ZC3H12B: variants seen among roughly 807,000 people sequenced by gnomAD.
The protein encoded by ZC3H12B is zinc finger CCCH-type containing 12B, also known as probable ribonuclease ZC3H12B.
A neutral mutation model predicts 43.9 loss-of-function variants in ZC3H12B; 7 were observed. The ratio of observed to expected loss-of-function variants is 0.16; its 90% CI spans 0.09 to 0.30. ZC3H12B has a LOEUF of 0.30. Among genes scored for constraint, ZC3H12B ranks in the 10% least tolerant of loss-of-function variants. The pLI is 1.00. For missense variants in ZC3H12B, 475 were observed against 670.2 expected (o/e 0.71, Z 3.22); for synonymous variants, 222 against 241.7 (o/e 0.92, Z 0.76).
At chrX:65,212,641 AT>A in the ZC3H12B span, among the ~76,000 whole-genome samples, 33 of 83,821 alleles carry the variant, frequency 3.9e-4, no homozygotes, top group South Asian at 2.5e-3. Context: ...AATATATATG[AT>A]TATATATCAT....
chrX:65,297,591 T>TA, the ZC3H12B span, among the ~76,000 whole-genome samples: 1 of 110,820 alleles, frequency 9.0e-6, no homozygotes, highest in African/African-American at 3.3e-5. Context: ...TCTACAAACT[T>TA]AATGCAATTC....
chrX:65,178,742 A>T, the ZC3H12B span, among the ~76,000 whole-genome samples: 1 of 112,372 alleles, frequency 8.9e-6, no homozygotes, highest in Non-Finnish European at 1.9e-5. Context: ...AATGGTGATC[A>T]TTAAAAAGTC....
the ZC3H12B span, among the ~76,000 whole-genome samples, chrX:65,169,161 G>C: frequency 9.0e-6 from 1 of 111,456 alleles, no homozygotes; most frequent in African/African-American, 3.3e-5. Context: ...GCTTTCTCTC[G>C]TGGTCATTTA....
At chrX:65,251,013 A>G in the ZC3H12B span, among the ~76,000 whole-genome samples, 2 of 112,033 alleles carry the variant, frequency 1.8e-5, no homozygotes, top group Admixed American at 9.5e-5. Context: ...GTCCTTGCCT[A>G]TGCCGATGTC....
At chrX:65,232,561 G>T in the ZC3H12B span, among the ~76,000 whole-genome samples, 5 of 111,687 alleles carry the variant, frequency 4.5e-5, no homozygotes, top group East Asian at 1.4e-3. Context: ...TTATTTGCAA[G>T]CCTCATGGTA....
chrX:65,401,235 G>A (rs2066759098), intron 3 of ZC3H12B, among the ~76,000 whole-genome samples: 1 of 111,704 alleles, frequency 9.0e-6, no homozygotes, highest in African/African-American at 3.3e-5. Context: ...CTTGGCAGCA[G>A]CAGTGTGGTA....
At chrX:65,425,790 C>A (rs868839702) in intron 3 of ZC3H12B, among the ~76,000 whole-genome samples, 2 of 111,739 alleles carry the variant, frequency 1.8e-5, no homozygotes, top group Middle Eastern at 4.6e-3. Context: ...TTGAAAAAAC[C>A]TGGCATCCTG....
chrX:65,049,600 A>G, the ZC3H12B span, among the ~76,000 whole-genome samples: 1 of 111,076 alleles, frequency 9.0e-6, no homozygotes. Flanking sequence ...AAAATCTTGG[A>G]GTGTGAGGTC....
chrX:65,498,424 GAGCCTCAGTC>G (rs2148238326), intron 2 of ZC3H12B, among the ~76,000 whole-genome samples: 1 of 111,675 alleles, frequency 9.0e-6, no homozygotes, highest in South Asian at 3.7e-4. Flanking sequence ...ACAGGCTCTT[GAGCCTCAGTC>G]TGAGAATAGA....
chrX:65,147,741 CCAA>C, the ZC3H12B span, among the ~76,000 whole-genome samples: 3 of 110,876 alleles, frequency 2.7e-5, no homozygotes, highest in Non-Finnish European at 5.7e-5. Flanking sequence ...ATCCCTGAAC[CCAA>C]CGTCTACTGG....
At chrX:65,367,981 C>T (rs756439735) in intron 1 of ZC3H12B, among the ~76,000 whole-genome samples, 2 of 111,403 alleles carry the variant, frequency 1.8e-5, no homozygotes, top group Admixed American at 1.9e-4. Flanking sequence ...TAAGACCCTC[C>T]ACAAACCTTT....
At chrX:65,348,642 G>A in the ZC3H12B span, among the ~76,000 whole-genome samples, 16 of 103,310 alleles carry the variant, frequency 1.5e-4, no homozygotes, top group Non-Finnish European at 3.0e-4. Context: ...ACACACATAG[G>A]CTCAAAATAA....
chrX:65,151,964 G>T, the ZC3H12B span, among the ~76,000 whole-genome samples: 2 of 111,680 alleles, frequency 1.8e-5, no homozygotes, highest in Non-Finnish European at 3.8e-5. Flanking sequence ...CATATAAACA[G>T]AACCAATGAC....
At chrX:65,341,044 C>T in the ZC3H12B span, among the ~76,000 whole-genome samples, 4 of 111,858 alleles carry the variant, frequency 3.6e-5, no homozygotes, top group Non-Finnish European at 7.5e-5. Context: ...AAACACACTA[C>T]AAGAATTTTA....
At chrX:65,149,979 C>G in the ZC3H12B span, among the ~76,000 whole-genome samples, 1 of 109,348 alleles carries the variant, frequency 9.1e-6, no homozygotes, top group Non-Finnish European at 1.9e-5. Flanking sequence ...CCTTAAGTAC[C>G]TGACTTTATT....
At chrX:65,050,389 AT>A in the ZC3H12B span, among the ~76,000 whole-genome samples, 949 of 108,207 alleles carry the variant, frequency 8.8e-3, 15 homozygotes, top group African/African-American at 0.03. Flanking sequence ...GGATGTTTTC[AT>A]TTTTTTTTCT....
chrX:65,117,802 CATTT>C, the ZC3H12B span, among the ~76,000 whole-genome samples: 1 of 111,952 alleles, frequency 8.9e-6, no homozygotes, highest in African/African-American at 3.2e-5. Flanking sequence ...TTCCCAGCAC[CATTT>C]ATTAAACAGG....
intron 2 of ZC3H12B, among the ~76,000 whole-genome samples, chrX:65,379,547 C>T (rs762322076): frequency 7.1e-5 from 8 of 112,149 alleles, no homozygotes; most frequent in Non-Finnish European, 1.1e-4. Context: ...AAAAGCAGAG[C>T]GCCTCTCCTC....
chrX:65,452,521 G>T (rs184895433), intron 3 of ZC3H12B, among the ~76,000 whole-genome samples: 1 of 110,578 alleles, frequency 9.0e-6, no homozygotes, highest in Non-Finnish European at 1.9e-5. Context: ...ACTGCTGATA[G>T]AAATCATAGA....
Sources: gnomAD v4.1 joint callset for allele counts (sites outside exome capture counted in the v4.1 genomes callset) on GRCh38, gnomAD v4.1.1 for gene constraint, MANE v1.5 for transcripts, NCBI Gene and HGNC (gene_info 2026-07-23, HGNC 2026-07-21) for gene names.